Variants in NAA30 observed in about 807,000 individuals in gnomAD.
The protein encoded by NAA30 is N-alpha-acetyltransferase 30.
In NAA30, 5 loss-of-function variants were observed where a neutral mutation model predicts 31.4. The ratio of observed to expected loss-of-function variants is 0.16; its 90% CI spans 0.08 to 0.33. The LOEUF is 0.33. Among genes scored for constraint, NAA30 ranks in the 10% least tolerant of loss-of-function variants. The pLI, the probability that NAA30 is intolerant of heterozygous loss-of-function variation, is 1.00. For missense variants in NAA30, 428 were observed against 490.8 expected (o/e 0.87, Z 1.21); for synonymous variants, 222 against 207.1 (o/e 1.07, Z -0.62).
At chr14:57,400,617 A>G (rs1247973383) in intron 4 of NAA30, among the ~76,000 whole-genome samples, 1 of 152,182 alleles carries the variant, frequency 6.6e-6, no homozygotes, top group Non-Finnish European at 1.5e-5. Context: ...TGTCTTTATT[A>G]TTAGAGGTCA....
intron 3 of NAA30, among the ~76,000 whole-genome samples, chr14:57,398,188 T>G (rs1024943743): frequency 2.6e-5 from 4 of 152,214 alleles, no homozygotes; most frequent in Non-Finnish European, 5.9e-5. Context: ...TTACTTAATA[T>G]GTTAGGTTTA....
chr14:57,396,895 A>G lies in NAA30; in HGVS notation c.895+20A>G. ...GCATTGGTAAGAAAAATATTATTTT[A>G]TGGAAAGAATGCCTAAGCTATTTTC... On this transcript the variant is annotated intron_variant, in intron 3 of 4. Coordinates refer to ENST00000556492, the MANE Select transcript of NAA30 (RefSeq NM_001011713.3). 6.2e-7 allele frequency: 1 copy of G among 1,611,236 alleles called. No homozygotes were observed. Among genetic ancestry groups the G allele is most frequent in the Non-Finnish European group, 8.5e-7 (1 of 1,177,832 alleles).
In NAA30 at chr14:57,410,184, T is replaced by C. The variant is rs1594754398; in HGVS notation, c.*668T>C. The C allele has an allele frequency of 6.5e-6, 1 of 152,742 alleles. No individual in the cohort carries two copies. The highest frequency in any genetic ancestry group is 3.4e-3 in the Middle Eastern group (1 of 294). The allele number at this position is 152,742 out of a possible 1,614,324, so 9.5% of individuals were successfully genotyped here. A position where few individuals can be genotyped will look rare whatever the true frequency, so the allele number is the denominator to read the frequency against. On this transcript the variant is annotated 3_prime_UTR_variant, in exon 5 of 5. Transcript: ENST00000556492. Reference sequence around the variant, plus strand: ...TAAGGCCTTTGCAAGCAAACTTTTGTTTTTATTTAAATTCTAAATTTGATA... The same window carrying C: ...TAAGGCCTTTGCAAGCAAACTTTTGCTTTTATTTAAATTCTAAATTTGATA...
At chr14:57,407,218 A>G (rs2066501733) in intron 4 of NAA30, among the ~76,000 whole-genome samples, 1 of 152,118 alleles carries the variant, frequency 6.6e-6, no homozygotes, top group South Asian at 2.1e-4. Context: ...TGCAGAGAGA[A>G]ATTGACGTTT....
chr14:57,403,053 C>T (rs372260417), intron 4 of NAA30, among the ~76,000 whole-genome samples: 13 of 152,204 alleles, frequency 8.5e-5, no homozygotes, highest in East Asian at 3.9e-4. Context: ...TGGTGCCACA[C>T]GCCTATAGTC....
chr14:57,403,610 AC>A (rs1243552434), intron 4 of NAA30, among the ~76,000 whole-genome samples: 5 of 152,230 alleles, frequency 3.3e-5, no homozygotes, highest in Non-Finnish European at 7.3e-5. Context: ...AAAACAAGAA[AC>A]AAGTGGATTT....
intron 3 of NAA30, 54 bp from the exon 4 acceptor site, chr14:57,399,774 G>T: frequency 3.2e-6 from 3 of 924,834 alleles, no homozygotes; most frequent in South Asian, 1.4e-5. Context: ...TATAATTTAG[G>T]TTATCTTTAA....
chr14:57,409,725 C>G lies in NAA30; in HGVS notation c.*209C>G. On this transcript the variant is annotated 3_prime_UTR_variant, in exon 5 of 5. Transcript: ENST00000556492. ...AAGATTGTTTTAAACTTCAGGAGTT[C>G]TTTTGGTACCAACAAGATGTGCCAG... 2 of 418,776 alleles carry G rather than the reference C, an allele frequency of 4.8e-6. No homozygotes were observed. Among genetic ancestry groups the G allele is most frequent in the Non-Finnish European group, 8.2e-6 (2 of 244,722 alleles). 25.9% of individuals were successfully genotyped at this position (418,776 alleles called of 1,614,324 possible).
At position 57,412,788 on chromosome 14, in the gene NAA30, G is replaced by T. The variant is rs989850466; in HGVS notation, c.*3272G>T. 6.6e-6 allele frequency: 1 copy of T among 152,164 alleles called. No individual in the cohort carries two copies. The highest frequency in any genetic ancestry group is 2.4e-5 in the African/African-American group (1 of 41,446). 9.4% of individuals were successfully genotyped at this position (152,164 alleles called of 1,614,324 possible). ...TTAGATACAGCTGTGTGCATTTTAT[G>T]ATTGGGTTGTTTTGCTTTTACCTAC... On this transcript the variant is annotated 3_prime_UTR_variant, in exon 5 of 5. Coordinates refer to ENST00000556492, the MANE Select transcript of NAA30 (RefSeq NM_001011713.3).
At chr14:57,409,071 C>A (rs2066511727) in intron 4 of NAA30, among the ~76,000 whole-genome samples, 1 of 152,124 alleles carries the variant, frequency 6.6e-6, no homozygotes, top group Admixed American at 6.6e-5. Context: ...CATCTGTAGT[C>A]ATTTTACCTT....
intron 3 of NAA30, among the ~76,000 whole-genome samples, chr14:57,398,062 A>G (rs1446357159): frequency 6.6e-6 from 1 of 152,218 alleles, no homozygotes; most frequent in Non-Finnish European, 1.5e-5. Flanking sequence ...TACCTGTACC[A>G]GTATTTAATC....
intron 4 of NAA30, among the ~76,000 whole-genome samples, chr14:57,401,211 A>G (rs954385515): frequency 2.0e-5 from 3 of 152,222 alleles, no homozygotes; most frequent in Admixed American, 1.3e-4. Context: ...GTTAGAATAC[A>G]GAGATTTACT....
intron 4 of NAA30, among the ~76,000 whole-genome samples, chr14:57,400,232 C>T (rs1380076818): frequency 6.6e-6 from 1 of 152,172 alleles, no homozygotes; most frequent in Non-Finnish European, 1.5e-5. Context: ...GGGAAACTGT[C>T]AGTCTATATG....
At chr14:57,409,222 A>G (rs532951433) in intron 4 of NAA30, among the ~76,000 whole-genome samples, 157 bp from the exon 5 acceptor site, 2 of 152,082 alleles carry the variant, frequency 1.3e-5, no homozygotes, top group African/African-American at 2.4e-5. Flanking sequence ...TAATATTACA[A>G]TCTTGATGAC....
At chr14:57,408,386 A>G (rs900228334) in intron 4 of NAA30, among the ~76,000 whole-genome samples, 2 of 152,198 alleles carry the variant, frequency 1.3e-5, no homozygotes, top group Admixed American at 1.3e-4. Flanking sequence ...ATAAAATCGC[A>G]GTTTTCAAAA....
intron 2 of NAA30, among the ~76,000 whole-genome samples, chr14:57,392,542 A>G (rs1049790425): frequency 2.6e-5 from 4 of 152,208 alleles, no homozygotes; most frequent in Non-Finnish European, 2.9e-5. Context: ...AAAAATTAAC[A>G]TAGTATTGGC....
In NAA30 at chr14:57,411,020, T is replaced by C. The variant is rs555014490; in HGVS notation, c.*1504T>C. ...TGTATTTTTAAAAACCCTACCTCCATTAACAGTTGGTAAAGGCCCCTTTTC... is the reference window on the plus strand; with the variant it reads ...TGTATTTTTAAAAACCCTACCTCCACTAACAGTTGGTAAAGGCCCCTTTTC... On this transcript the variant is annotated 3_prime_UTR_variant, in exon 5 of 5. Transcript: ENST00000556492. 1 of 152,304 alleles carries C rather than the reference T, an allele frequency of 6.6e-6. No homozygotes were observed. The highest frequency in any genetic ancestry group is 1.5e-5 in the Non-Finnish European group (1 of 67,906). 9.4% of individuals were successfully genotyped at this position (152,304 alleles called of 1,614,324 possible).
At chr14:57,405,436 T>TATAA (rs1179061813) in intron 4 of NAA30, among the ~76,000 whole-genome samples, 6 of 151,104 alleles carry the variant, frequency 4.0e-5, no homozygotes, top group Admixed American at 6.6e-5. Context: ...TATATATATA[T>TATAA]AAAACATCTT....
rs117870342 is a variant in NAA30 at position 57,398,393 on chromosome 14, C to A, written c.896-1435C>A. The stretch of plus-strand genomic sequence containing the variant: ...GGTTGCATCCTGGCCTTCAGACATA[C>A]TTTGTTTGGGCCATAAAATGCGTGC... On this transcript the variant is annotated intron_variant, in intron 3 of 4. Coordinates refer to ENST00000556492, the MANE Select transcript of NAA30 (RefSeq NM_001011713.3). Among the ~76,000 whole-genome samples the A allele has an allele frequency of 5.0e-4, 76 of 152,246 alleles. 1 individual carries two copies. In the East Asian group the frequency reaches 9.1e-3, roughly 18 times the overall value.
Sources: gnomAD v4.1 joint callset for allele counts (sites outside exome capture counted in the v4.1 genomes callset) on GRCh38, gnomAD v4.1.1 for gene constraint, MANE v1.5 for transcripts, NCBI Gene and HGNC (gene_info 2026-07-23, HGNC 2026-07-21) for gene names.